Variants in TMTC2 observed in about 807,000 individuals in gnomAD.
TMTC2 encodes protein O-mannosyl-transferase TMTC2.
A neutral mutation model predicts 82.4 loss-of-function variants in TMTC2; 43 were observed. The observed-to-expected ratio is 0.52, with a 90% confidence interval of 0.41 to 0.67. TMTC2 has a LOEUF of 0.67. Ranked by LOEUF, TMTC2 falls within the 30% of genes least tolerant of loss-of-function variation. The pLI is 0.00. For missense variants in TMTC2, 919 were observed against 1,012.4 expected (o/e 0.91, Z 1.25); for synonymous variants, 408 against 381.9 (o/e 1.07, Z -0.80).
intron 8 of TMTC2, among the ~76,000 whole-genome samples, chr12:83,003,723 A>G (rs1411744434): frequency 6.6e-6 from 1 of 152,094 alleles, no homozygotes; most frequent in African/African-American, 2.4e-5. Flanking sequence ...CATTTCTTTA[A>G]GGATGCTGAA....
chr12:82,899,781 A>C (rs1873888280), intron 3 of TMTC2, among the ~76,000 whole-genome samples: 1 of 146,040 alleles, frequency 6.8e-6, no homozygotes, highest in South Asian at 2.1e-4. Context: ...ATATATATAT[A>C]AGAATACATA....
chr12:82,711,200 A>G lies in TMTC2; in HGVS notation c.83+23531A>G, dbSNP rs149913223. ...TAAACTTGAGGAGTTTGGCTAAGTCAGTAGTTGGAAGCGTAGTAAGGTCAG... is the reference window on the plus strand; with the variant it reads ...TAAACTTGAGGAGTTTGGCTAAGTCGGTAGTTGGAAGCGTAGTAAGGTCAG... On this transcript the variant is annotated intron_variant, in intron 1 of 11. Coordinates refer to ENST00000321196, the MANE Select transcript of TMTC2 (RefSeq NM_152588.3). Among the ~76,000 whole-genome samples, 308 of 152,368 alleles carry G rather than the reference A, an allele frequency of 2.0e-3. 1 individual carries two copies. The highest frequency in any genetic ancestry group is 6.9e-3 in the African/African-American group (287 of 41,588).
chr12:82,867,280 C>G (rs1871916236), intron 2 of TMTC2, among the ~76,000 whole-genome samples: 1 of 152,152 alleles, frequency 6.6e-6, no homozygotes, highest in South Asian at 2.1e-4. Flanking sequence ...AGGACAATTT[C>G]TTTCTTTCTC....
chr12:82,918,455 T>A (rs901746267), intron 3 of TMTC2, among the ~76,000 whole-genome samples: 2 of 152,120 alleles, frequency 1.3e-5, no homozygotes, highest in African/African-American at 4.8e-5. Flanking sequence ...GGCAGATTCT[T>A]ACATAGAACT....
chr12:82,895,919 C>A lies in TMTC2; in HGVS notation c.756C>A (p.Ser252Arg), dbSNP rs1251532003. The A allele has an allele frequency of 1.2e-6, 2 of 1,613,982 alleles. No homozygotes were observed. Among genetic ancestry groups the A allele is most frequent in the Non-Finnish European group, 1.7e-6 (2 of 1,180,010 alleles). ...RLYWMGNKPPSFSNSDNPAAD... is the reference protein window; with the variant it reads ...RLYWMGNKPPRFSNSDNPAAD... ...ACTGGATGGGAAACAAACCACCAAG[C>A]TTTTCCAACTCGGACAACCCCGCTG... The change falls in exon 3 of 12, where the codon AGC becomes AGA. Residue 252 changes from serine (S) to arginine (R), a missense_variant. By Grantham distance (110) the Ser-to-Arg change is moderately radical. Coordinates refer to ENST00000321196, the MANE Select transcript of TMTC2 (RefSeq NM_152588.3).
intron 2 of TMTC2, among the ~76,000 whole-genome samples, chr12:82,890,186 A>G (rs990067121): frequency 2.6e-5 from 4 of 152,162 alleles, no homozygotes; most frequent in African/African-American, 9.7e-5. Flanking sequence ...GAGATTGAGT[A>G]TCTTTTCAGA....
intron 1 of TMTC2, among the ~76,000 whole-genome samples, chr12:82,791,414 A>G (rs1238711927): frequency 6.6e-6 from 1 of 152,120 alleles, no homozygotes; most frequent in African/African-American, 2.4e-5. Flanking sequence ...GGTGAAATTA[A>G]GACAGGCAGA....
chr12:82,880,122 T>C (rs1872752991), intron 2 of TMTC2, among the ~76,000 whole-genome samples: 1 of 152,234 alleles, frequency 6.6e-6, no homozygotes, highest in African/African-American at 2.4e-5. Flanking sequence ...ATTTGGGATA[T>C]GGTTCAGAAT....
chr12:82,828,455 C>T (rs1255889767), intron 1 of TMTC2, among the ~76,000 whole-genome samples: 2 of 152,084 alleles, frequency 1.3e-5, no homozygotes, highest in African/African-American at 2.4e-5. Flanking sequence ...CCACCTCAGT[C>T]CCCCAAAGTG....
rs561735260 is a variant in TMTC2, at chr12:83,037,976, C to T, written c.2152+7097C>T. ...GAATATAAAGAACAAGAGATAGGAA[C>T]AAATGATACAACCGGTTTTAAAAGT... On this transcript the variant is annotated intron_variant, in intron 9 of 11. Coordinates refer to ENST00000321196, the MANE Select transcript of TMTC2 (RefSeq NM_152588.3). Among the ~76,000 whole-genome samples, 79 of 152,002 alleles carry T rather than the reference C, an allele frequency of 5.2e-4. No individual in the cohort carries two copies. The South Asian group carries it at 0.016, about 30-fold the overall frequency.
chr12:83,117,840 T>C (rs1369067696), intron 11 of TMTC2, among the ~76,000 whole-genome samples: 2 of 152,124 alleles, frequency 1.3e-5, no homozygotes, highest in Non-Finnish European at 2.9e-5. Flanking sequence ...TCAGCAGTGT[T>C]TGTAGTTTTC....
At chr12:82,898,999 A>C (rs1873823995) in intron 3 of TMTC2, among the ~76,000 whole-genome samples, 1 of 152,216 alleles carries the variant, frequency 6.6e-6, no homozygotes, top group East Asian at 1.9e-4. Context: ...TAAATAAGAT[A>C]TTTTGGTACA....
At chr12:82,798,343 C>A (rs573558153) in intron 1 of TMTC2, among the ~76,000 whole-genome samples, 3 of 144,304 alleles carry the variant, frequency 2.1e-5, no homozygotes, top group Non-Finnish European at 4.6e-5. Context: ...AGGCCGAGGC[C>A]GGTGGATGGC....
chr12:82,942,376 T>C (rs1876769140), intron 4 of TMTC2, among the ~76,000 whole-genome samples: 1 of 152,176 alleles, frequency 6.6e-6, no homozygotes, highest in Non-Finnish European at 1.5e-5. Context: ...TTTAAAGGGC[T>C]ACTTGGGTTA....
intron 7 of TMTC2, among the ~76,000 whole-genome samples, chr12:82,982,941 A>G (rs1878989486): frequency 6.6e-6 from 1 of 152,072 alleles, no homozygotes; most frequent in South Asian, 2.1e-4. Flanking sequence ...AAATCCAAAT[A>G]GTGACATTCC....
At chr12:83,002,435 T>C (rs542263142) in intron 8 of TMTC2, among the ~76,000 whole-genome samples, 80 of 152,304 alleles carry the variant, frequency 5.3e-4, no homozygotes, top group Non-Finnish European at 7.8e-4. Context: ...GTATGGATTT[T>C]TGTGACTCAA....
intron 1 of TMTC2, among the ~76,000 whole-genome samples, chr12:82,825,117 C>T (rs181402912): frequency 1.1e-4 from 16 of 151,364 alleles, no homozygotes; most frequent in Admixed American, 2.0e-4. Flanking sequence ...AAAAGACATA[C>T]GAGCAGATCA....
rs369564148 is a variant in TMTC2, at chr12:83,084,395, G to A, written c.2331+22564G>A. On this transcript the variant is annotated intron_variant, in intron 11 of 11. Transcript: ENST00000321196. ...AAACATAACTTACATAATAAAGGTAGAAGCTTTTTATTTCCCTCAGTTTTT... is the reference window on the plus strand; with the variant it reads ...AAACATAACTTACATAATAAAGGTAAAAGCTTTTTATTTCCCTCAGTTTTT... Among the ~76,000 whole-genome samples, 128 of 152,174 alleles carry A rather than the reference G, an allele frequency of 8.4e-4. 1 individual carries two copies. The South Asian group carries it at 0.024, about 28-fold the overall frequency.
At chr12:82,697,058 G>C (rs1872837072) in intron 1 of TMTC2, among the ~76,000 whole-genome samples, 1 of 151,212 alleles carries the variant, frequency 6.6e-6, no homozygotes, top group African/African-American at 2.4e-5. Flanking sequence ...TAAAAATGCA[G>C]ATTTTGGCCG....
Sources: gnomAD v4.1 joint callset for allele counts (sites outside exome capture counted in the v4.1 genomes callset) on GRCh38, gnomAD v4.1.1 for gene constraint, MANE v1.5 for transcripts, NCBI Gene and HGNC (gene_info 2026-07-23, HGNC 2026-07-21) for gene names.